SBF1: variants seen among roughly 807,000 people sequenced by gnomAD.
SBF1 encodes SET binding factor 1, also known as myotubularin-related protein 5.
SBF1 carries 65 observed loss-of-function variants against 215.8 expected under a neutral mutation model. The ratio of observed to expected loss-of-function variants is 0.30; its 90% CI spans 0.25 to 0.37. The LOEUF is 0.37. Ranked by LOEUF, SBF1 falls within the 10% of genes least tolerant of loss-of-function variation. SBF1 has a pLI of 1.00. For synonymous variants in SBF1, 1,410 were observed against 1,122.8 expected (o/e 1.26, Z -5.11); for missense variants, 2,634 against 2,667.8 (o/e 0.99, Z 0.28).
chr22:50,472,633 G>A (rs1465611919), intron 1 of SBF1, among the ~76,000 whole-genome samples: 24 of 152,198 alleles, frequency 1.6e-4, no homozygotes, highest in Admixed American at 1.5e-3. Context: ...ATCCCCAGAT[G>A]AGGAAACTGA....
At position 50,445,234 on chromosome 22, in the gene SBF1, A is replaced by G. The variant is rs920980808; in HGVS notation, c.*1908T>C. The G allele has an allele frequency of 1.3e-5, 2 of 152,356 alleles. No homozygotes were observed. Among genetic ancestry groups the G allele is most frequent in the African/African-American group, 4.8e-5 (2 of 41,458 alleles). The allele number at this position is 152,356 out of a possible 1,614,324, so 9.4% of individuals were successfully genotyped here. On this transcript the variant is annotated 3_prime_UTR_variant, in exon 41 of 41. Transcript: ENST00000380817. ...GAGGCGGAACAGGCCACATCACGGC[A>G]TCAGGTCTCTACAGCTTAGCAAATA... is the stretch of plus-strand genomic sequence containing the variant.
intron 16 of SBF1, 33 bp downstream of exon 16, chr22:50,463,250 G>A (rs757911276): frequency 1.2e-6 from 2 of 1,611,652 alleles, no homozygotes; most frequent in Non-Finnish European, 1.7e-6. Context: ...CATGCGCCAT[G>A]AGCCATGTCA....
rs971562110 is a variant in SBF1, at chr22:50,445,203, T to C, written c.*1939A>G. 6.6e-6 allele frequency: 1 copy of C among 152,284 alleles called. No individual in the cohort carries two copies. Among genetic ancestry groups the C allele is most frequent in the Non-Finnish European group, 1.5e-5 (1 of 68,052 alleles). The allele number at this position is 152,284 out of a possible 1,614,324, so 9.4% of individuals were successfully genotyped here. A position where few individuals can be genotyped will look rare whatever the true frequency, so the allele number is the denominator to read the frequency against. On this transcript the variant is annotated 3_prime_UTR_variant, in exon 41 of 41. Transcript: ENST00000380817. ...ACCCCCCAGCGTTATCCCCGTGTAA[T>C]GGGTGGAGGCGGAACAGGCCACATC...
At chr22:50,458,897 C>T (rs1273184967) in intron 28 of SBF1, among the ~76,000 whole-genome samples, 1 of 152,172 alleles carries the variant, frequency 6.6e-6, no homozygotes, top group Non-Finnish European at 1.5e-5. Flanking sequence ...TGGGAGGGAA[C>T]AGGACAGAGG....
chr22:50,450,835 C>A (rs1253244731), intron 36 of SBF1, among the ~76,000 whole-genome samples: 1 of 152,088 alleles, frequency 6.6e-6, no homozygotes, highest in Non-Finnish European at 1.5e-5. Flanking sequence ...AGGCAGGGCA[C>A]AGTGGCTCCC....
Position 50,461,853 on chromosome 22 carries a change from G to A in SBF1, c.2586C>T (p.His862=), listed in dbSNP as rs752355667. Residue 862 remains histidine (H), a synonymous_variant, in exon 21 of 41, where the codon CAC becomes CAT. Coordinates refer to ENST00000380817, the MANE Select transcript of SBF1 (RefSeq NM_002972.4). ...HVMVPDIVQM[H]IETLEAVQRE... The stretch of plus-strand genomic sequence containing the variant: ...GCTGCACGGCCTCCAGGGTCTCGAT[G>A]TGCATCTGGACAATGTCTGGGGGAA... The A allele has an allele frequency of 6.2e-7, 1 of 1,613,816 alleles. No homozygotes were observed.
chr22:50,459,015 G>A (rs1032072125), intron 28 of SBF1, among the ~76,000 whole-genome samples: 2 of 152,170 alleles, frequency 1.3e-5, no homozygotes, highest in Admixed American at 1.3e-4. Context: ...GGTGGAGAGC[G>A]GGCAGGACGT....
At position 50,461,989 on chromosome 22, in the gene SBF1, C is replaced by T; in HGVS notation, c.2527G>A (p.Val843Ile). ...AGCCCCTTGAGGTGGTCGCTGGTGA[C>T]CCCACTCTCCGTGCAGACCTTGTCC... ...FVDKVCTESGVTSDHLKGLHV... is the reference protein window; with the variant it reads ...FVDKVCTESGITSDHLKGLHV... The change falls in exon 20 of 41, where the codon GTC becomes ATC. Residue 843 changes from valine (V) to isoleucine (I), a missense_variant. Transcript: ENST00000380817. 1.9e-6 allele frequency: 3 copies of T among 1,614,246 alleles called. No homozygotes were observed. Among genetic ancestry groups the T allele is most frequent in the Non-Finnish European group, 2.5e-6 (3 of 1,180,044 alleles).
At chr22:50,447,491 C>CGGG in intron 39 of SBF1, 31 bp downstream of exon 39, 1 of 1,609,540 alleles carries the variant, frequency 6.2e-7, no homozygotes, top group Non-Finnish European at 8.5e-7. Flanking sequence ...CCCCCTCCCC[C>CGGG]GTGAGTCCCC....
rs531325123 is a variant in SBF1, at chr22:50,460,688, C to A, written c.2992G>T (p.Glu998Ter). The A allele has an allele frequency of 6.2e-7, 1 of 1,613,568 alleles. No homozygotes were observed. The highest frequency in any genetic ancestry group is 8.5e-7 in the Non-Finnish European group (1 of 1,179,976). The change falls in exon 24 of 41, where the codon GAG becomes TAG. Residue 998 changes from glutamate to a stop codon, truncating the protein, a stop_gained. Coordinates refer to ENST00000380817, the MANE Select transcript of SBF1 (RefSeq NM_002972.4). LOFTEE classifies it high-confidence loss of function. ...AGCTCGGCGCTGTCAGACCCCACCT[C>A]CTCGTCAAAGGCCATTTTCAGCAGC... ...FQLLKMAFDE[E>*]VGSDSAELFR...
chr22:50,474,655 G>T, intron 1 of SBF1, 131 bp downstream of exon 1: 1 of 465,470 alleles, frequency 2.1e-6, no homozygotes, highest in Non-Finnish European at 3.2e-6. Context: ...CCGGCCCTCA[G>T]TCCTCGGCCT....
rs2066858238 is a variant in SBF1, at chr22:50,447,082, T to C, written c.*60A>G. ...GCTGTAAACATGGCCGGGGCGGCCC[T>C]GCCCACCCCTAGTGGTCGGTAACGA... On this transcript the variant is annotated 3_prime_UTR_variant, in exon 41 of 41. Transcript: ENST00000380817. 4 of 1,477,890 alleles carry C rather than the reference T, an allele frequency of 2.7e-6. No homozygotes were observed. The highest frequency in any genetic ancestry group is 3.7e-6 in the Non-Finnish European group (4 of 1,078,238). 91.5% of individuals were successfully genotyped at this position (1,477,890 alleles called of 1,614,324 possible). A position where few individuals can be genotyped will look rare whatever the true frequency, so the allele number is the denominator to read the frequency against.
chr22:50,474,794 T>C lies in SBF1; in HGVS notation c.47A>G (p.His16Arg), dbSNP rs2068120925. The change falls in exon 1 of 41, where the codon CAC (histidine) becomes CGC (arginine). Residue 16 changes from histidine to arginine, a missense_variant. His to Arg is a conservative substitution (Grantham distance 29, BLOSUM62 0). Transcript: ENST00000380817. The stretch of plus-strand genomic sequence containing the variant: ...TTGGCCTCGGCACTCACCGCGCGGG[T>C]GCGGCCCGAACGCCACCAGCACGAA... ...DYFVLVAFGP[H>R]PRGSGEGQGQ... is the part of the protein sequence containing the mutation. The C allele has an allele frequency of 2.1e-6, 3 of 1,459,194 alleles. No homozygotes were observed. The highest frequency in any genetic ancestry group is 3.1e-5 in the East Asian group (1 of 32,082). The allele number at this position is 1,459,194 out of a possible 1,614,324, so 90.4% of individuals were successfully genotyped here.
chr22:50,447,238 C>T lies in SBF1; in HGVS notation c.5586G>A (p.Val1862=). 1 of 1,613,964 alleles carries T rather than the reference C, an allele frequency of 6.2e-7. No individual in the cohort carries two copies. Among genetic ancestry groups the T allele is most frequent in the Non-Finnish European group, 8.5e-7 (1 of 1,179,940 alleles). The part of the protein sequence containing the change: ...KTVDEKAFFD[V]KTTRRVYNFC... ...AGTTGTAAACGCGACGCGTTGTCTT[C>T]ACCTGGGGAAGGGCGGGTTACTGAC... Residue 1862 remains valine, a splice_region_variant and synonymous_variant, in exon 41 of 41, where the codon GTG becomes GTA. Transcript: ENST00000380817.
intron 1 of SBF1, among the ~76,000 whole-genome samples, chr22:50,473,925 G>T (rs2148619939): frequency 1.3e-5 from 2 of 152,360 alleles, no homozygotes; most frequent in Admixed American, 1.3e-4. Flanking sequence ...ACCCCGGTGG[G>T]CTGCTGGGAG....
In SBF1 at chr22:50,462,437, A is replaced by G. The variant is rs780613638; in HGVS notation, c.2164T>C (p.Ser722Pro). ...GEAPSQEDER[S>P]ALDVASEQRR... is the part of the protein sequence containing the mutation. ...TGCTCAGAAGCCACGTCTAGGGCAG[A>G]GCGCTCGTCCTCCTGGGAAGGTGCC... Residue 722 changes from serine (S) to proline (P), a missense_variant, in exon 19 of 41, where the codon TCT becomes CCT. Coordinates refer to ENST00000380817, the MANE Select transcript of SBF1 (RefSeq NM_002972.4). The G allele has an allele frequency of 9.3e-6, 15 of 1,613,830 alleles. No homozygotes were observed. Among genetic ancestry groups the G allele is most frequent in the Non-Finnish European group, 1.3e-5 (15 of 1,179,994 alleles).
intron 31 of SBF1, chr22:50,455,924 C>G: frequency 1.8e-6 from 1 of 559,336 alleles, no homozygotes. Flanking sequence ...GCAGCAGGGG[C>G]CCAGAACCAT....
Position 50,462,830 on chromosome 22 carries a change from G to A in SBF1, c.1968+40C>T, listed in dbSNP as rs9617014. On this transcript the variant is annotated intron_variant, in intron 17 of 40. Transcript: ENST00000380817. The stretch of plus-strand genomic sequence containing the variant: ...GAAGGAGACCTCAGCCACCAGGAAG[G>A]GGGGGCTGGGAAGGAGACCTCAGCC... 7,343 of 1,610,882 alleles carry A rather than the reference G, an allele frequency of 4.6e-3. 50 individuals are homozygous for A. Among genetic ancestry groups the A allele is most frequent in the South Asian group, 0.014 (1,274 of 90,894 alleles).
chr22:50,452,723 CAAAAAA>C (rs57951967), intron 36 of SBF1, among the ~76,000 whole-genome samples: 4 of 39,542 alleles, frequency 1.0e-4, no homozygotes, highest in African/African-American at 1.3e-4. Context: ...CTCCATCTCT[CAAAAAA>C]AAAAAAAAAA....
Sources: gnomAD v4.1 joint callset for allele counts (sites outside exome capture counted in the v4.1 genomes callset) on GRCh38, gnomAD v4.1.1 for gene constraint, MANE v1.5 for transcripts, NCBI Gene and HGNC (gene_info 2026-07-23, HGNC 2026-07-21) for gene names.